The following MACROD2 variants were observed in gnomAD, a reference collection of about 807,000 sequenced individuals.
MACROD2 encodes the protein ADP-ribose glycohydrolase MACROD2.
A neutral mutation model predicts 70.4 loss-of-function variants in MACROD2; 36 were observed. The ratio of observed to expected loss-of-function variants is 0.51; its 90% CI spans 0.39 to 0.68. The LOEUF (loss-of-function observed/expected upper bound fraction) is 0.68, where lower values mean the gene tolerates loss of function less well. Ranked by LOEUF, MACROD2 falls within the 30% of genes least tolerant of loss-of-function variation. MACROD2 has a pLI of 0.00. For synonymous variants in MACROD2, 172 were observed against 178.8 expected, an observed-to-expected ratio of 0.96 and a Z score of 0.30; for missense variants, 496 against 538.4, an observed-to-expected ratio of 0.92 and a Z score of 0.78.
chr20:15,849,587 TGTGTTGGC>T (rs1453687476), intron 8 of MACROD2, among the ~76,000 whole-genome samples: 1 of 152,182 alleles, frequency 6.6e-6, no homozygotes, highest in East Asian at 1.9e-4. Flanking sequence ...AAAGTCAAGA[TGTGTTGGC>T]TTTATAAAGC....
At chr20:14,069,483 A>G (rs1333724511) in intron 2 of MACROD2, among the ~76,000 whole-genome samples, 3 of 151,706 alleles carry the variant, frequency 2.0e-5, no homozygotes, top group Non-Finnish European at 2.9e-5. Flanking sequence ...TCCCTCAGTT[A>G]TGTTGCCTGT....
intron 4 of MACROD2, among the ~76,000 whole-genome samples, chr20:14,581,010 A>T (rs62202898): frequency 0.19 from 28,156 of 152,138 alleles, 3,336 homozygotes; most frequent in Non-Finnish European, 0.26. Context: ...AAAACGAGTA[A>T]CTATAATACC....
At chr20:15,606,877 C>T (rs2048900940) in intron 8 of MACROD2, among the ~76,000 whole-genome samples, 2 of 152,006 alleles carry the variant, frequency 1.3e-5, no homozygotes, top group Admixed American at 1.3e-4. Context: ...TGGCGCATGC[C>T]TTTAATCCCA....
chr20:15,631,814 G>A (rs1199445295), intron 8 of MACROD2, among the ~76,000 whole-genome samples: 1 of 152,102 alleles, frequency 6.6e-6, no homozygotes, highest in African/African-American at 2.4e-5. Flanking sequence ...TGATTTCACT[G>A]GTCTAGAGGG....
intron 6 of MACROD2, among the ~76,000 whole-genome samples, chr20:15,398,040 G>A (rs2045882521): frequency 6.6e-6 from 1 of 152,144 alleles, no homozygotes; most frequent in African/African-American, 2.4e-5. Flanking sequence ...AGGTAACTGA[G>A]TGGTACTCAA....
At chr20:15,801,312 A>ATAGTTGGG (rs2063724213) in intron 8 of MACROD2, among the ~76,000 whole-genome samples, 2 of 151,766 alleles carry the variant, frequency 1.3e-5, no homozygotes, top group African/African-American at 4.8e-5. Context: ...TGTGGTCTGG[A>ATAGTTGGG]TAGTTGGGCT....
At chr20:15,002,455 G>A (rs1261676175) in intron 5 of MACROD2, among the ~76,000 whole-genome samples, 1 of 151,948 alleles carries the variant, frequency 6.6e-6, no homozygotes, top group Non-Finnish European at 1.5e-5. Flanking sequence ...ACTTTTCGAT[G>A]GGATTGTTTG....
At chr20:15,448,723 TAATC>T (rs1467974383) in intron 7 of MACROD2, among the ~76,000 whole-genome samples, 1 of 152,164 alleles carries the variant, frequency 6.6e-6, no homozygotes, top group African/African-American at 2.4e-5. Flanking sequence ...AAGTTTCAAA[TAATC>T]AAGTGGGAAC....
chr20:15,448,628 C>G (rs930538295), intron 7 of MACROD2, among the ~76,000 whole-genome samples: 1 of 152,096 alleles, frequency 6.6e-6, no homozygotes, highest in Non-Finnish European at 1.5e-5. Flanking sequence ...TATGGTCTAT[C>G]TTCATTATAA....
intron 5 of MACROD2, among the ~76,000 whole-genome samples, chr20:15,070,905 T>A (rs144664538): frequency 2.0e-4 from 29 of 144,784 alleles, no homozygotes; most frequent in African/African-American, 6.9e-4. Flanking sequence ...TTTTGTTTTG[T>A]TTTTGGAAAA....
intron 4 of MACROD2, among the ~76,000 whole-genome samples, chr20:14,654,274 C>T (rs6110373): frequency 0.23 from 34,775 of 151,574 alleles, 6,724 homozygotes; most frequent in African/African-American, 0.51. Context: ...TGGCTAGTCT[C>T]GGTGGCTCAC....
chr20:14,919,733 G>T (rs1047185841), intron 5 of MACROD2, among the ~76,000 whole-genome samples: 5 of 152,100 alleles, frequency 3.3e-5, no homozygotes, highest in African/African-American at 1.2e-4. Context: ...AAATCAAGTT[G>T]AACAACAAAA....
intron 15 of MACROD2, among the ~76,000 whole-genome samples, chr20:16,011,842 C>G (rs2066867643): frequency 6.6e-6 from 1 of 152,208 alleles, no homozygotes; most frequent in Non-Finnish European, 1.5e-5. Flanking sequence ...TCGTCTTGCA[C>G]TTTTCAGCTC....
At chr20:15,842,838 TG>T (rs61128727) in intron 8 of MACROD2, among the ~76,000 whole-genome samples, 13 of 152,206 alleles carry the variant, frequency 8.5e-5, no homozygotes, top group Non-Finnish European at 1.8e-4. Context: ...TCCTTTGCCC[TG>T]GGGGGTTGTG....
intron 2 of MACROD2, among the ~76,000 whole-genome samples, chr20:14,011,079 CT>C (rs1454779655): frequency 3.9e-5 from 6 of 152,124 alleles, no homozygotes; most frequent in Admixed American, 3.9e-4. Flanking sequence ...TTATGACCCC[CT>C]GATATAGAAG....
At chr20:15,591,183 C>T (rs1340842256) in intron 8 of MACROD2, among the ~76,000 whole-genome samples, 1 of 152,138 alleles carries the variant, frequency 6.6e-6, no homozygotes, top group African/African-American at 2.4e-5. Context: ...CCCTGGGCCT[C>T]AGACAGAGAG....
At chr20:14,263,927 G>A (rs184575212) in intron 3 of MACROD2, among the ~76,000 whole-genome samples, 106 of 147,384 alleles carry the variant, frequency 7.2e-4, no homozygotes, top group African/African-American at 2.6e-3. Flanking sequence ...AGCCATGATT[G>A]TACCACTTCA....
chr20:16,044,510 A>T, intron 16 of MACROD2, 61 bp from the exon 17 acceptor site: 1 of 1,389,636 alleles, frequency 7.2e-7, no homozygotes, highest in Non-Finnish European at 1.0e-6. Flanking sequence ...GGGTCATTTT[A>T]ATGTGTCTCA....
At chr20:15,234,921 A>T (rs2077000587) in intron 6 of MACROD2, among the ~76,000 whole-genome samples, 1 of 152,156 alleles carries the variant, frequency 6.6e-6, no homozygotes, top group Non-Finnish European at 1.5e-5. Context: ...GCACAGAAAT[A>T]TTTTGTAATG....
Sources: gnomAD v4.1 joint callset for allele counts (sites outside exome capture counted in the v4.1 genomes callset) on GRCh38, gnomAD v4.1.1 for gene constraint, MANE v1.5 for transcripts, NCBI Gene and HGNC (gene_info 2026-07-23, HGNC 2026-07-21) for gene names.